FHIT: variants seen among roughly 807,000 people sequenced by gnomAD.
FHIT encodes fragile histidine triad diadenosine triphosphatase.
Under a neutral mutation model 17.9 loss-of-function variants are expected in FHIT, and 19 were observed. The observed-to-expected ratio is 1.06, with a 90% CI of 0.74 to 1.56. The LOEUF (loss-of-function observed/expected upper bound fraction) is 1.56. FHIT is among the 40% of genes most tolerant of loss of function. FHIT has a pLI of 0.00. For missense variants in FHIT, 248 were observed against 189.2 expected, an observed-to-expected ratio of 1.31 and a Z score of -1.82; for synonymous variants, 81 against 69.7, an observed-to-expected ratio of 1.16 and a Z score of -0.81.
intron 3 of FHIT, among the ~76,000 whole-genome samples, chr3:61,023,049 A>T (rs2107650398): frequency 6.6e-6 from 1 of 152,332 alleles, no homozygotes; most frequent in South Asian, 2.1e-4. Context: ...GAGGAAGTCA[A>T]ATTGTCTCTG....
At chr3:60,981,687 T>C (rs1215882833) in intron 3 of FHIT, among the ~76,000 whole-genome samples, 2 of 151,714 alleles carry the variant, frequency 1.3e-5, no homozygotes, top group African/African-American at 2.4e-5. Flanking sequence ...TAGCACACTG[T>C]AGCTTCAAAC....
chr3:60,707,617 C>T (rs1577093869), intron 4 of FHIT, among the ~76,000 whole-genome samples: 1 of 152,156 alleles, frequency 6.6e-6, no homozygotes, highest in South Asian at 2.1e-4. Context: ...TACAAGGTAG[C>T]AATTAGAGTC....
intron 2 of FHIT, among the ~76,000 whole-genome samples, chr3:61,161,028 T>C (rs2037674186): frequency 6.6e-6 from 1 of 152,138 alleles, no homozygotes; most frequent in Non-Finnish European, 1.5e-5. Context: ...GGAAGGCTTT[T>C]TGAGCTGTTT....
intron 2 of FHIT, among the ~76,000 whole-genome samples, chr3:61,181,552 A>G (rs752138459): frequency 5.3e-5 from 8 of 152,188 alleles, no homozygotes; most frequent in Admixed American, 1.3e-4. Flanking sequence ...TGTCATGTCC[A>G]GAATACTAAC....
At position 60,568,452 on chromosome 3, in the gene FHIT, T is replaced by A. The variant is rs1015296038; in HGVS notation, c.-17-31473A>T. Among the ~76,000 whole-genome samples, 3 of 148,360 alleles carry A rather than the reference T, an allele frequency of 2.0e-5. No individual in the cohort carries two copies. In the Admixed American group the frequency reaches 2.0e-4, roughly 10 times the overall value. On this transcript the variant is annotated intron_variant, in intron 4 of 9. Coordinates refer to ENST00000492590, the MANE Select transcript of FHIT (RefSeq NM_002012.4). Reference sequence around the variant, plus strand: ...AAGGGGAACATCACACACCAGGGCCTGTTGTGGGGTGGAGGGAGGGGGGAG... The same window carrying A: ...AAGGGGAACATCACACACCAGGGCCAGTTGTGGGGTGGAGGGAGGGGGGAG...
chr3:60,308,496 G>GTATA (rs5849349), intron 5 of FHIT, among the ~76,000 whole-genome samples: 2,682 of 140,628 alleles, frequency 0.019, 36 homozygotes, highest in Non-Finnish European at 0.025. Context: ...AGGTGTATGT[G>GTATA]TATATATATA....
intron 3 of FHIT, among the ~76,000 whole-genome samples, chr3:60,867,955 G>A (rs980455977): frequency 2.6e-5 from 4 of 152,162 alleles, no homozygotes; most frequent in Non-Finnish European, 4.4e-5. Context: ...CCCAAAGATG[G>A]AGAAAAGCAG....
intron 5 of FHIT, among the ~76,000 whole-genome samples, chr3:60,351,569 A>C (rs1699395070): frequency 6.6e-6 from 1 of 152,226 alleles, no homozygotes; most frequent in Non-Finnish European, 1.5e-5. Flanking sequence ...TTGCATCATA[A>C]AAATTTGCTA....
chr3:60,931,203 G>C (rs1021856151), intron 3 of FHIT, among the ~76,000 whole-genome samples: 1 of 151,690 alleles, frequency 6.6e-6, no homozygotes, highest in Non-Finnish European at 1.5e-5. Context: ...ATCAAACACC[G>C]GGGCCTGTTG....
chr3:60,882,042 C>G (rs968023242), intron 3 of FHIT, among the ~76,000 whole-genome samples: 8 of 151,692 alleles, frequency 5.3e-5, no homozygotes, highest in African/African-American at 1.9e-4. Flanking sequence ...AAATTAGAAA[C>G]AAAAAGAGAG....
chr3:60,513,748 C>T (rs1218800407), intron 5 of FHIT, among the ~76,000 whole-genome samples: 1 of 136,146 alleles, frequency 7.3e-6, no homozygotes, highest in Non-Finnish European at 1.6e-5. Context: ...GGGTTCTACT[C>T]TCAAGCCTGG....
At chr3:59,961,988 A>G (rs1436166830) in intron 7 of FHIT, among the ~76,000 whole-genome samples, 1 of 152,164 alleles carries the variant, frequency 6.6e-6, no homozygotes, top group African/African-American at 2.4e-5. Flanking sequence ...TCTGGCATAT[A>G]ACAAATAAAT....
At chr3:60,797,403 G>C (rs1443453546) in intron 4 of FHIT, among the ~76,000 whole-genome samples, 3 of 151,816 alleles carry the variant, frequency 2.0e-5, no homozygotes, top group Non-Finnish European at 4.4e-5. Flanking sequence ...GCATAAATAA[G>C]AAAAAGAGAA....
At chr3:60,472,232 A>C (rs1242558669) in intron 5 of FHIT, among the ~76,000 whole-genome samples, 1 of 152,104 alleles carries the variant, frequency 6.6e-6, no homozygotes, top group Non-Finnish European at 1.5e-5. Flanking sequence ...AATGAGGCAA[A>C]AACAACTGGT....
chr3:60,906,730 T>A (rs782249088), intron 3 of FHIT, among the ~76,000 whole-genome samples: 2 of 152,226 alleles, frequency 1.3e-5, no homozygotes, highest in African/African-American at 2.4e-5. Flanking sequence ...TATAGTTATA[T>A]CATTTTGTGG....
At chr3:61,167,970 C>G (rs1385025371) in intron 2 of FHIT, among the ~76,000 whole-genome samples, 3 of 152,124 alleles carry the variant, frequency 2.0e-5, no homozygotes, top group Non-Finnish European at 4.4e-5. Context: ...TGATCTATAT[C>G]CAGTAACTAT....
chr3:60,044,476 C>T (rs1701569058), intron 5 of FHIT, among the ~76,000 whole-genome samples: 1 of 152,146 alleles, frequency 6.6e-6, no homozygotes, highest in Non-Finnish European at 1.5e-5. Context: ...AATCGTGTCC[C>T]TCATTCCCTT....
intron 5 of FHIT, among the ~76,000 whole-genome samples, chr3:60,521,024 C>T (rs2107564426): frequency 6.6e-6 from 1 of 151,958 alleles, no homozygotes; most frequent in East Asian, 1.9e-4. Flanking sequence ...TATTTTAAAT[C>T]CAGGGTGTTA....
At chr3:60,537,961 T>C (rs1338367774) in intron 4 of FHIT, among the ~76,000 whole-genome samples, 2 of 72,264 alleles carry the variant, frequency 2.8e-5, no homozygotes, top group Non-Finnish European at 5.6e-5. Flanking sequence ...TAGTTGGCTA[T>C]TTGTGATATG....
Sources: allele counts gnomAD v4.1 joint callset (sites outside exome capture counted in the v4.1 genomes callset), GRCh38; gene constraint gnomAD v4.1.1; transcripts MANE v1.5; gene names NCBI Gene and HGNC (gene_info 2026-07-23, HGNC 2026-07-21).